CNTNAP2: variants seen among roughly 807,000 people sequenced by gnomAD.
CNTNAP2 encodes contactin-associated protein-like 2.
In CNTNAP2, 98 loss-of-function variants were observed where a neutral mutation model predicts 155.2. The observed-to-expected ratio is 0.63, with a 90% CI of 0.54 to 0.75. The LOEUF (loss-of-function observed/expected upper bound fraction) is 0.75. Ranked by LOEUF, CNTNAP2 falls within the 30% of genes least tolerant of loss-of-function variation. The pLI is 0.00. For missense variants in CNTNAP2, 1,727 were observed against 1,688.1 expected, an observed-to-expected ratio of 1.02 and a Z score of -0.40; for synonymous variants, 651 against 631.2, an observed-to-expected ratio of 1.03 and a Z score of -0.47.
intron 20 of CNTNAP2, among the ~76,000 whole-genome samples, chr7:148,240,879 A>T (rs1480469383): frequency 6.6e-6 from 1 of 152,200 alleles, no homozygotes; most frequent in Non-Finnish European, 1.5e-5. Context: ...TGAAGGCCAG[A>T]AGATGCAGCC....
intron 1 of CNTNAP2, among the ~76,000 whole-genome samples, chr7:146,332,971 T>C (rs1322635927): frequency 7.6e-6 from 1 of 132,388 alleles, no homozygotes; most frequent in African/African-American, 2.8e-5. Context: ...TTTTGACAGG[T>C]CTCACTCTGT....
At chr7:146,151,633 G>A (rs149868202) in intron 1 of CNTNAP2, among the ~76,000 whole-genome samples, 3 of 86,338 alleles carry the variant, frequency 3.5e-5, no homozygotes, top group African/African-American at 1.2e-4. Flanking sequence ...CAAAGAAAAC[G>A]TGATATATAT....
At chr7:146,494,231 G>C (rs1425718758) in intron 1 of CNTNAP2, among the ~76,000 whole-genome samples, 1 of 151,954 alleles carries the variant, frequency 6.6e-6, no homozygotes, top group Non-Finnish European at 1.5e-5. Flanking sequence ...CTACTCAGGA[G>C]GCTGAGGCAG....
intron 1 of CNTNAP2, among the ~76,000 whole-genome samples, chr7:146,280,687 G>C (rs1439166273): frequency 6.6e-6 from 1 of 152,144 alleles, no homozygotes; most frequent in Non-Finnish European, 1.5e-5. Context: ...TCCACCCCTA[G>C]AATCTGATCC....
chr7:147,324,183 T>C (rs1351975903), intron 9 of CNTNAP2, among the ~76,000 whole-genome samples: 2 of 152,088 alleles, frequency 1.3e-5, no homozygotes, highest in Non-Finnish European at 2.9e-5. Context: ...AACAACTAGA[T>C]CACAAGGTTC....
intron 1 of CNTNAP2, among the ~76,000 whole-genome samples, chr7:146,222,391 C>A (rs1026478991): frequency 3.3e-5 from 5 of 152,014 alleles, no homozygotes; most frequent in African/African-American, 1.2e-4. Context: ...ATTGCTTGAG[C>A]AAAATTTGAA....
At chr7:148,207,336 G>T (rs572941144) in intron 18 of CNTNAP2, among the ~76,000 whole-genome samples, 54 of 152,276 alleles carry the variant, frequency 3.5e-4, no homozygotes, top group African/African-American at 1.2e-3. Flanking sequence ...TCTTAGGCTG[G>T]CTGGAGCCAC....
chr7:147,059,646 T>C (rs1799625802), intron 4 of CNTNAP2, among the ~76,000 whole-genome samples: 2 of 152,122 alleles, frequency 1.3e-5, no homozygotes, highest in Admixed American at 1.3e-4. Flanking sequence ...GTAGGAAATA[T>C]TGGAGCTAGG....
chr7:148,407,895 T>G (rs79330997), intron 22 of CNTNAP2, among the ~76,000 whole-genome samples: 2,530 of 152,204 alleles, frequency 0.017, 67 homozygotes, highest in African/African-American at 0.058. Flanking sequence ...TTGAGATAAT[T>G]TGGAATATAT....
At chr7:147,257,231 T>C (rs1470621552) in intron 8 of CNTNAP2, among the ~76,000 whole-genome samples, 3 of 152,180 alleles carry the variant, frequency 2.0e-5, no homozygotes, top group African/African-American at 7.2e-5. Flanking sequence ...AGGCAGTCTC[T>C]TGAGGTCCAG....
chr7:147,232,402 A>G (rs971816044), intron 8 of CNTNAP2, among the ~76,000 whole-genome samples: 19 of 152,244 alleles, frequency 1.2e-4, no homozygotes, highest in African/African-American at 4.3e-4. Context: ...CTGGGAAATA[A>G]CAAAGCTGGA....
intron 21 of CNTNAP2, among the ~76,000 whole-genome samples, chr7:148,369,665 ATT>A: frequency 6.7e-6 from 1 of 148,180 alleles, no homozygotes; most frequent in South Asian, 2.1e-4. Context: ...TATTATTATT[ATT>A]ATTATTATTA....
chr7:147,957,813 G>A (rs1801045395), intron 14 of CNTNAP2, among the ~76,000 whole-genome samples: 1 of 152,162 alleles, frequency 6.6e-6, no homozygotes, highest in African/African-American at 2.4e-5. Context: ...AGTGTCTTAT[G>A]CCTATAATCT....
At chr7:146,580,152 G>A (rs976189184) in intron 1 of CNTNAP2, among the ~76,000 whole-genome samples, 6 of 152,048 alleles carry the variant, frequency 3.9e-5, no homozygotes, top group Non-Finnish European at 8.8e-5. Context: ...GTTTATTAAT[G>A]TATAGAATAA....
chr7:146,155,593 TAAG>T (rs905000648), intron 1 of CNTNAP2, among the ~76,000 whole-genome samples: 1 of 151,910 alleles, frequency 6.6e-6, no homozygotes, highest in Non-Finnish European at 1.5e-5. Context: ...GAATAGAGGT[TAAG>T]AAGAAAGGAA....
intron 5 of CNTNAP2, among the ~76,000 whole-genome samples, chr7:147,116,214 G>C (rs994964462): frequency 6.6e-6 from 1 of 152,186 alleles, no homozygotes; most frequent in Non-Finnish European, 1.5e-5. Flanking sequence ...CCATGCTAGG[G>C]ATAACTGACC....
intron 13 of CNTNAP2, among the ~76,000 whole-genome samples, chr7:147,694,343 T>C (rs1222504435): frequency 6.6e-6 from 1 of 152,084 alleles, no homozygotes; most frequent in Non-Finnish European, 1.5e-5. Flanking sequence ...TTGTCTGGTT[T>C]TGGTATTCCT....
intron 10 of CNTNAP2, among the ~76,000 whole-genome samples, chr7:147,448,920 G>C (rs886443184): frequency 6.6e-6 from 1 of 151,866 alleles, no homozygotes; most frequent in Non-Finnish European, 1.5e-5. Context: ...TATACATAAG[G>C]CCTCAATAAA....
intron 1 of CNTNAP2, among the ~76,000 whole-genome samples, chr7:146,642,127 G>GT (rs1799718869): frequency 6.6e-6 from 1 of 151,262 alleles, no homozygotes; most frequent in African/African-American, 2.4e-5. Flanking sequence ...TTTTGTTTTG[G>GT]TTTTTTATTT....
Sources: gnomAD v4.1 joint callset for allele counts (sites outside exome capture counted in the v4.1 genomes callset) on GRCh38, gnomAD v4.1.1 for gene constraint, MANE v1.5 for transcripts, NCBI Gene and HGNC (gene_info 2026-07-23, HGNC 2026-07-21) for gene names.